The following ITGB6 variants were observed in gnomAD, a reference collection of about 807,000 sequenced individuals.
ITGB6 encodes the protein integrin subunit beta 6, also known as integrin beta-6.
A neutral mutation model predicts 84.5 loss-of-function variants in ITGB6; 80 were observed. The ratio of observed to expected loss-of-function variants is 0.95; its 90% CI spans 0.79 to 1.14. The LOEUF (loss-of-function observed/expected upper bound fraction) is 1.14, where lower values mean the gene tolerates loss of function less well. Ranked by LOEUF, ITGB6 falls within the 50% of genes most tolerant of loss-of-function variation. ITGB6 has a pLI of 0.00. For missense variants in ITGB6, 1,006 were observed against 968.0 expected, an observed-to-expected ratio of 1.04 and a Z score of -0.52; for synonymous variants, 383 against 354.9, an observed-to-expected ratio of 1.08 and a Z score of -0.89.
chr2:160,163,076 C>T (rs1684878405), intron 7 of ITGB6, among the ~76,000 whole-genome samples: 2 of 152,096 alleles, frequency 1.3e-5, no homozygotes, highest in South Asian at 4.2e-4. Flanking sequence ...ATGTGCTGAC[C>T]CAATGCATAG....
chr2:160,142,841 T>G (rs1026418535), intron 7 of ITGB6, among the ~76,000 whole-genome samples: 2 of 152,224 alleles, frequency 1.3e-5, no homozygotes, highest in African/African-American at 2.4e-5. Flanking sequence ...CAGCTGGACA[T>G]TTCCCCACCC....
chr2:160,149,745 T>C (rs1684338297), intron 7 of ITGB6, among the ~76,000 whole-genome samples: 1 of 151,826 alleles, frequency 6.6e-6, no homozygotes, highest in African/African-American at 2.4e-5. Flanking sequence ...GAATAAACAG[T>C]GTAGAGAAGG....
intron 2 of ITGB6, among the ~76,000 whole-genome samples, chr2:160,197,170 C>A (rs1453264776): frequency 6.6e-6 from 1 of 152,022 alleles, no homozygotes; most frequent in Non-Finnish European, 1.5e-5. Context: ...TTTGCTGGTG[C>A]CTGTAGTCCC....
In ITGB6 at chr2:160,110,071, G is replaced by A. The variant is rs559670462; in HGVS notation, c.2101+2009C>T. On this transcript the variant is annotated intron_variant, in intron 13 of 14. Coordinates refer to ENST00000283249, the MANE Select transcript of ITGB6 (RefSeq NM_000888.5). Reference sequence around the variant, plus strand: ...ATAGGGTTTGCCTAACAGTTCTGTCGGATGATGCTGATCTAACATCTTTTT... The same window carrying A: ...ATAGGGTTTGCCTAACAGTTCTGTCAGATGATGCTGATCTAACATCTTTTT... 3.3e-5 allele frequency among the ~76,000 whole-genome samples: 5 copies of A among 152,122 alleles called. No individual in the cohort carries two copies. The East Asian group carries it at 5.8e-4, about 18-fold the overall frequency.
At chr2:160,171,325 A>ATCTATTTTT (rs1414747829) in intron 6 of ITGB6, among the ~76,000 whole-genome samples, 3 of 126,004 alleles carry the variant, frequency 2.4e-5, no homozygotes, top group Admixed American at 7.5e-5. Flanking sequence ...CAGAAATCAA[A>ATCTATTTTT]TTTATTTTTT....
intron 7 of ITGB6, among the ~76,000 whole-genome samples, chr2:160,157,491 T>A (rs1312939452): frequency 6.6e-6 from 1 of 152,256 alleles, no homozygotes; most frequent in East Asian, 1.9e-4. Context: ...CCAGAGAAAC[T>A]AGTGCAAATG....
intron 4 of ITGB6, among the ~76,000 whole-genome samples, chr2:160,179,380 TTTTC>T (rs1291055116): frequency 1.4e-5 from 2 of 147,744 alleles, no homozygotes; most frequent in African/African-American, 4.9e-5. Context: ...TCTTTTCTTT[TTTTC>T]TTTTTCTTTT....
chr2:160,125,703 A>G lies in ITGB6; in HGVS notation c.1883+676T>C, dbSNP rs889712201. 2.6e-5 allele frequency among the ~76,000 whole-genome samples: 4 copies of G among 152,218 alleles called. No individual in the cohort carries two copies. In the South Asian group the frequency reaches 6.2e-4, roughly 24 times the overall value. ...GCTGCATAATACATTATCCACTGCA[A>G]TATCATAAGAGCCACTTTGGAGGCT... On this transcript the variant is annotated intron_variant, in intron 11 of 14. Coordinates refer to ENST00000283249, the MANE Select transcript of ITGB6 (RefSeq NM_000888.5).
At chr2:160,180,676 A>C (rs1685628711) in intron 4 of ITGB6, among the ~76,000 whole-genome samples, 1 of 152,200 alleles carries the variant, frequency 6.6e-6, no homozygotes, top group Non-Finnish European at 1.5e-5. Flanking sequence ...GATGATATGA[A>C]AGCAGTAGTG....
intron 4 of ITGB6, among the ~76,000 whole-genome samples, chr2:160,192,761 G>A (rs943098692): frequency 2.6e-5 from 4 of 151,730 alleles, no homozygotes; most frequent in Non-Finnish European, 5.9e-5. Context: ...CTTGTATCCA[G>A]CATATATAAA....
rs553408451 is a variant in ITGB6, at chr2:160,180,406, C to A, written c.594-6267G>T. Among the ~76,000 whole-genome samples, 11 of 152,306 alleles carry A rather than the reference C, an allele frequency of 7.2e-5. No homozygotes were observed. In the South Asian group the frequency reaches 2.3e-3, roughly 32 times the overall value. On this transcript the variant is annotated intron_variant, in intron 4 of 14. Transcript: ENST00000283249. Reference sequence around the variant, plus strand: ...AAGCAATCCTCCAGCTCTGGGACTACAGGCATGTGCCACTGCACCTGGAAA... The same window carrying A: ...AAGCAATCCTCCAGCTCTGGGACTAAAGGCATGTGCCACTGCACCTGGAAA...
chr2:160,138,049 C>T lies in ITGB6; in HGVS notation c.1242+16G>A. ...TCCAGGTATTTATTCAGACTATCTA[C>T]TGGCCAGCTACTTACTGTGTCTCCC... On this transcript the variant is annotated intron_variant, in intron 9 of 14. Transcript: ENST00000283249. The T allele has an allele frequency of 1.2e-6, 2 of 1,606,310 alleles. No homozygotes were observed. The highest frequency in any genetic ancestry group is 1.7e-6 in the Non-Finnish European group (2 of 1,177,138).
At chr2:160,160,669 GTGCCTTGA>G (rs1684781362) in intron 7 of ITGB6, among the ~76,000 whole-genome samples, 1 of 151,966 alleles carries the variant, frequency 6.6e-6, no homozygotes, top group Non-Finnish European at 1.5e-5. Flanking sequence ...TTGTCCTTTT[GTGCCTTGA>G]TGCCATATGT....
chr2:160,180,838 G>A (rs935562903), intron 4 of ITGB6, among the ~76,000 whole-genome samples: 1 of 152,174 alleles, frequency 6.6e-6, no homozygotes, highest in Non-Finnish European at 1.5e-5. Flanking sequence ...CCTACAAAGG[G>A]TGAGCCGAAG....
intron 12 of ITGB6, among the ~76,000 whole-genome samples, chr2:160,119,937 C>T (rs1682956746): frequency 6.6e-6 from 1 of 152,108 alleles, no homozygotes. Flanking sequence ...CACGGGCCAT[C>T]AGAGAAATGC....
rs183488225 is a variant in ITGB6, at chr2:160,187,977, G to A, written c.593+7392C>T. ...GAGATTAGTAAGTGTTAATGAGAGC[G>A]AGAAAAAATTAACATTTGTTTTGAA... On this transcript the variant is annotated intron_variant, in intron 4 of 14. Transcript: ENST00000283249. Among the ~76,000 whole-genome samples the A allele has an allele frequency of 3.9e-5, 6 of 152,178 alleles. 1 individual carries two copies. The South Asian group carries it at 8.3e-4, about 21-fold the overall frequency.
At chr2:160,152,087 A>G (rs1266155000) in intron 7 of ITGB6, among the ~76,000 whole-genome samples, 2 of 152,200 alleles carry the variant, frequency 1.3e-5, no homozygotes, top group Non-Finnish European at 1.5e-5. Context: ...ATCCTCCCTA[A>G]CTCATTTTAT....
chr2:160,119,754 C>T (rs1173857854), intron 12 of ITGB6, among the ~76,000 whole-genome samples: 6 of 151,990 alleles, frequency 3.9e-5, no homozygotes, highest in South Asian at 2.1e-4. Context: ...AGAAAATTTT[C>T]GCAACCTACT....
In ITGB6 at chr2:160,195,745, CTG is replaced by C. The variant is rs1297762360; in HGVS notation, c.347-132_347-131del. On this transcript the variant is annotated intron_variant, in intron 3 of 14. Transcript: ENST00000283249. The stretch of plus-strand genomic sequence containing the variant: ...ACTGAAATACATATGATTTTATTAA[CTG>C]TGTGGTCAAGATCCTAAAAGAACCA... 9.6e-6 allele frequency: 10 copies of C among 1,037,984 alleles called. No homozygotes were observed. The African/African-American group carries it at 1.4e-4, about 15-fold the overall frequency. The allele number at this position is 1,037,984 out of a possible 1,614,324, so 64.3% of individuals were successfully genotyped here.
Sources: gnomAD v4.1 joint callset for allele counts (sites outside exome capture counted in the v4.1 genomes callset) on GRCh38, gnomAD v4.1.1 for gene constraint, MANE v1.5 for transcripts, NCBI Gene and HGNC (gene_info 2026-07-23, HGNC 2026-07-21) for gene names.